Variants in CCDC171 observed in about 807,000 individuals in gnomAD.
CCDC171 encodes the protein coiled-coil domain-containing protein 171.
Under a neutral mutation model 168.2 loss-of-function variants are expected in CCDC171, and 177 were observed. That is an observed-to-expected ratio of 1.05 (90% CI 0.93 to 1.19). The LOEUF (loss-of-function observed/expected upper bound fraction) is 1.19. Among genes scored for constraint, CCDC171 ranks in the 50% most tolerant of loss-of-function variants. The pLI is 0.00. For synonymous variants in CCDC171, 687 were observed against 540.8 expected, an observed-to-expected ratio of 1.27 and a Z score of -3.75; for missense variants, 1,991 against 1,539.0, an observed-to-expected ratio of 1.29 and a Z score of -4.91.
intron 11 of CCDC171, among the ~76,000 whole-genome samples, chr9:15,716,413 G>A (rs1277986892): frequency 6.6e-6 from 1 of 151,882 alleles, no homozygotes; most frequent in African/African-American, 2.4e-5. Context: ...AAGATTATTA[G>A]GTTAAGTCAA....
At chr9:15,871,700 C>T (rs1262086041) in intron 23 of CCDC171, among the ~76,000 whole-genome samples, 1 of 151,858 alleles carries the variant, frequency 6.6e-6, no homozygotes, top group East Asian at 1.9e-4. Flanking sequence ...GGTAAGAGTC[C>T]TTTCTTACTG....
chr9:15,852,279 C>T (rs1165679382), intron 23 of CCDC171, among the ~76,000 whole-genome samples: 2 of 151,692 alleles, frequency 1.3e-5, no homozygotes, highest in Non-Finnish European at 3.0e-5. Context: ...ATCCTAGTGA[C>T]TACTATGTAG....
intron 7 of CCDC171, among the ~76,000 whole-genome samples, chr9:15,628,107 G>C (rs1028513609): frequency 3.9e-5 from 6 of 152,184 alleles, no homozygotes; most frequent in Non-Finnish European, 8.8e-5. Flanking sequence ...CGACGCAGAA[G>C]ACGGGTGATT....
intron 6 of CCDC171, among the ~76,000 whole-genome samples, chr9:15,601,706 T>C (rs549128374): frequency 3.3e-5 from 5 of 152,236 alleles, no homozygotes; most frequent in Non-Finnish European, 5.9e-5. Context: ...GTTGATTAGC[T>C]GTCTGGGAGA....
intron 25 of CCDC171, among the ~76,000 whole-genome samples, chr9:15,949,750 A>G (rs1048371314): frequency 4.3e-4 from 65 of 152,254 alleles, no homozygotes; most frequent in African/African-American, 1.5e-3. Context: ...GTCGTCTGCA[A>G]ACAGGGACAA....
At chr9:16,046,831 A>G (rs1833670130) in intron 1 of CCDC171, among the ~76,000 whole-genome samples, 2 of 152,104 alleles carry the variant, frequency 1.3e-5, no homozygotes. Context: ...TTTTCTTTAC[A>G]AATTACTCAG....
intron 13 of CCDC171, 109 bp downstream of exon 13, chr9:15,723,855 T>G: frequency 2.0e-6 from 1 of 506,896 alleles, no homozygotes; most frequent in East Asian, 3.6e-5. Context: ...TATTTCTATT[T>G]TTTAAAGTAT....
intron 11 of CCDC171, among the ~76,000 whole-genome samples, chr9:15,710,144 A>G (rs1215351736): frequency 6.6e-6 from 1 of 152,202 alleles, no homozygotes; most frequent in Non-Finnish European, 1.5e-5. Context: ...GATCATTATA[A>G]TATGTAAAAA....
intron 11 of CCDC171, among the ~76,000 whole-genome samples, chr9:15,716,090 C>T (rs566883775): frequency 3.9e-5 from 6 of 152,278 alleles, no homozygotes; most frequent in Non-Finnish European, 8.8e-5. Context: ...CCATCACATC[C>T]CCTTTTCTCC....
intron 24 of CCDC171, among the ~76,000 whole-genome samples, chr9:15,889,720 C>T (rs1413449704): frequency 6.6e-6 from 1 of 152,162 alleles, no homozygotes; most frequent in East Asian, 1.9e-4. Flanking sequence ...GGATGAAATG[C>T]CTTGACACAT....
rs2045415823 is a variant in CCDC171, at chr9:15,628,864, A to G, written c.822+5451A>G. ...GAGGAACGATCAGACAGCAGCATTA[A>G]CGGTTCACGAAAATCCGCTGTTCTG... is the stretch of plus-strand genomic sequence containing the variant. On this transcript the variant is annotated intron_variant, in intron 7 of 25. Transcript: ENST00000380701. 2.6e-5 allele frequency among the ~76,000 whole-genome samples: 4 copies of G among 152,278 alleles called. No homozygotes were observed. In the South Asian group the frequency reaches 8.3e-4, roughly 32 times the overall value.
intron 25 of CCDC171, among the ~76,000 whole-genome samples, chr9:15,954,616 C>G (rs914508143): frequency 1.3e-5 from 2 of 151,412 alleles, no homozygotes; most frequent in African/African-American, 4.8e-5. Flanking sequence ...GATCATTTTT[C>G]TTTCTGTATC....
At chr9:15,625,531 A>G (rs1202850696) in intron 7 of CCDC171, among the ~76,000 whole-genome samples, 1 of 152,220 alleles carries the variant, frequency 6.6e-6, no homozygotes, top group Non-Finnish European at 1.5e-5. Flanking sequence ...AGCTTTCTAC[A>G]TATGGCTAGC....
intron 7 of CCDC171, among the ~76,000 whole-genome samples, chr9:15,646,935 C>G (rs936626171): frequency 1.3e-5 from 2 of 152,226 alleles, no homozygotes; most frequent in Admixed American, 6.5e-5. Context: ...CACCCCAAAT[C>G]AACAGAATAT....
rs745546857 is a variant in CCDC171 at position 15,777,647 on chromosome 9, A to T, written c.2719A>T (p.Asn907Tyr). The T allele has an allele frequency of 6.2e-7, 1 of 1,613,998 alleles. No individual in the cohort carries two copies. The highest frequency in any genetic ancestry group is 8.5e-7 in the Non-Finnish European group (1 of 1,179,988). The stretch of plus-strand genomic sequence containing the variant: ...ACATTTACTCATAGGTGCAGCCAAG[A>T]ATTCTTTTGCAAAACTCATGGATAA... ...CGHLLIGAAKNSFAKLMDKIS... is the reference protein window; with the variant it reads ...CGHLLIGAAKYSFAKLMDKIS... Residue 907 changes from asparagine (N) to tyrosine (Y), a missense_variant, in exon 19 of 26, where the codon AAT becomes TAT. By Grantham distance (143) the Asn-to-Tyr change is moderately radical. Transcript: ENST00000380701.
intron 1 of CCDC171, among the ~76,000 whole-genome samples, chr9:15,561,353 A>T (rs776414733): frequency 6.6e-6 from 1 of 152,164 alleles, no homozygotes; most frequent in Non-Finnish European, 1.5e-5. Flanking sequence ...TTTCAAATGG[A>T]AAGTAATATT....
intron 6 of CCDC171, among the ~76,000 whole-genome samples, chr9:15,615,921 G>C (rs1335170849): frequency 1.3e-5 from 2 of 151,732 alleles, no homozygotes; most frequent in African/African-American, 4.8e-5. Context: ...GGGACCACAG[G>C]CATGCGCCAC....
At chr9:15,585,738 G>A (rs1005953926) in intron 4 of CCDC171, among the ~76,000 whole-genome samples, 18 of 152,248 alleles carry the variant, frequency 1.2e-4, no homozygotes, top group African/African-American at 4.3e-4. Flanking sequence ...AGCACTTTGG[G>A]AGGTGGAGGC....
intron 6 of CCDC171, among the ~76,000 whole-genome samples, chr9:15,608,862 G>A (rs1383695777): frequency 7.0e-6 from 1 of 142,568 alleles, no homozygotes; most frequent in Non-Finnish European, 1.5e-5. Flanking sequence ...GGAGGCTGAG[G>A]TGAGAGGATT....
Sources: allele counts gnomAD v4.1 joint callset (sites outside exome capture counted in the v4.1 genomes callset), GRCh38; gene constraint gnomAD v4.1.1; transcripts MANE v1.5; gene names NCBI Gene and HGNC (gene_info 2026-07-23, HGNC 2026-07-21).